Variants in TXNRD3 observed in about 807,000 individuals in gnomAD.
TXNRD3 encodes thioredoxin reductase 3, also known as TXNRD3 neighbor gene protein.
TXNRD3 carries 68 observed loss-of-function variants against 78.2 expected under a neutral mutation model. The observed-to-expected ratio is 0.87, with a 90% CI of 0.72 to 1.06. The LOEUF (loss-of-function observed/expected upper bound fraction) is 1.06. Among genes scored for constraint, TXNRD3 ranks in the 50% least tolerant of loss-of-function variants. TXNRD3 has a pLI of 0.00. For synonymous variants in TXNRD3, 296 were observed against 300.1 expected (o/e 0.99, Z 0.14); for missense variants, 751 against 809.5 (o/e 0.93, Z 0.88).
intron 9 of TXNRD3, 82 bp from the exon 10 acceptor site, chr3:126,629,553 G>T: frequency 9.6e-7 from 1 of 1,041,432 alleles, no homozygotes; most frequent in Non-Finnish European, 1.4e-6. Context: ...CGGTATGTTC[G>T]TGTACATTTG....
chr3:126,640,609 T>C (rs1041299130), intron 6 of TXNRD3, among the ~76,000 whole-genome samples: 2 of 152,178 alleles, frequency 1.3e-5, no homozygotes, highest in African/African-American at 4.8e-5. Flanking sequence ...TCAAAATCTC[T>C]GCACAAAGAG....
chr3:126,651,241 G>T (rs1241441325), intron 1 of TXNRD3, among the ~76,000 whole-genome samples: 2 of 152,196 alleles, frequency 1.3e-5, no homozygotes, highest in African/African-American at 2.4e-5. Context: ...ACTCAGTCAA[G>T]CAAGAAAAAC....
Position 126,637,932 on chromosome 3 carries a change from C to CTCTTTTTTTTTTTTTT in TXNRD3, c.713-3882_713-3881insAAAAAAAAAAAAAAGA, listed in dbSNP as rs1444254294. 3.7e-4 allele frequency among the ~76,000 whole-genome samples: 22 copies of CTCTTTTTTTTTTTTTT among 60,234 alleles called. 1 individual carries two copies. The highest frequency in any genetic ancestry group is 6.9e-4 in the East Asian group (1 of 1,448). 39.5% of individuals were successfully genotyped at this position (60,234 alleles called of 152,430 possible). A position where few individuals can be genotyped will look rare whatever the true frequency, so the allele number is the denominator to read the frequency against. ...CTTATTTTAACCTATATTTCTCTCT[C>CTCTTTTTTTTTTTTTT]TTTTTTTTTTTTTTTTTTTTTTTTT... On this transcript the variant is annotated intron_variant, in intron 6 of 15. Transcript: ENST00000524230.
rs1938479557 is a variant in TXNRD3, at chr3:126,622,440, G to C, written c.1367+24C>G. On this transcript the variant is annotated intron_variant, in intron 11 of 15. Coordinates refer to ENST00000524230, the MANE Select transcript of TXNRD3 (RefSeq NM_052883.3). Reference sequence around the variant, plus strand: ...AAACCTGTTGCTTTGTGCAGCAACAGTGCAGTGATCCCAATATACTTACTT... The same window carrying C: ...AAACCTGTTGCTTTGTGCAGCAACACTGCAGTGATCCCAATATACTTACTT... 2.7e-6 allele frequency: 4 copies of C among 1,501,856 alleles called. No individual in the cohort carries two copies. The South Asian group carries it at 3.7e-5, about 14-fold the overall frequency. 93.0% of individuals were successfully genotyped at this position (1,501,856 alleles called of 1,614,324 possible). A position where few individuals can be genotyped will look rare whatever the true frequency, so the allele number is the denominator to read the frequency against.
chr3:126,637,027 C>T (rs1932917121), intron 6 of TXNRD3, among the ~76,000 whole-genome samples: 1 of 151,930 alleles, frequency 6.6e-6, no homozygotes, highest in Middle Eastern at 3.4e-3. Flanking sequence ...AAAGATTGGA[C>T]ACCCCTGGTT....
intron 13 of TXNRD3, among the ~76,000 whole-genome samples, chr3:126,614,532 A>G (rs1342110017): frequency 1.3e-5 from 2 of 152,234 alleles, no homozygotes; most frequent in Non-Finnish European, 2.9e-5. Flanking sequence ...ATTATTATAT[A>G]AACAGTTAGT....
At chr3:126,650,507 G>A (rs1933363082) in intron 1 of TXNRD3, among the ~76,000 whole-genome samples, 1 of 152,018 alleles carries the variant, frequency 6.6e-6, no homozygotes, top group African/African-American at 2.4e-5. Context: ...GAGGTGTGGT[G>A]GCATGCACCT....
chr3:126,649,304 C>T (rs1402975295), intron 1 of TXNRD3, among the ~76,000 whole-genome samples: 4 of 152,134 alleles, frequency 2.6e-5, no homozygotes, highest in African/African-American at 9.7e-5. Context: ...TACTTCACAT[C>T]CATTAGGATA....
At chr3:126,609,676 G>C (rs574383504) in intron 14 of TXNRD3, among the ~76,000 whole-genome samples, 1 of 152,340 alleles carries the variant, frequency 6.6e-6, no homozygotes, top group East Asian at 1.9e-4. Flanking sequence ...GCAAGGACAA[G>C]AGTGTGGCCT....
chr3:126,629,309 C>T, intron 10 of TXNRD3, 70 bp downstream of exon 10: 2 of 1,081,652 alleles, frequency 1.8e-6, no homozygotes, highest in Non-Finnish European at 2.6e-6. Flanking sequence ...GTATAATTTT[C>T]CCATAAGTTT....
At chr3:126,618,716 G>T (rs890303586) in intron 12 of TXNRD3, among the ~76,000 whole-genome samples, 1 of 151,574 alleles carries the variant, frequency 6.6e-6, no homozygotes, top group Non-Finnish European at 1.5e-5. Flanking sequence ...CAAATGAGAC[G>T]GTATCAAACT....
rs1938482033 is a variant in TXNRD3 at position 126,622,559 on chromosome 3, C to A, written c.1291-19G>T. 8 of 1,516,940 alleles carry A rather than the reference C, an allele frequency of 5.3e-6. No individual in the cohort carries two copies. Among genetic ancestry groups the A allele is most frequent in the South Asian group, 1.2e-5 (1 of 82,352 alleles). The allele number at this position is 1,516,940 out of a possible 1,614,324, so 94.0% of individuals were successfully genotyped here. On this transcript the variant is annotated intron_variant, in intron 10 of 15. Transcript: ENST00000524230. ...ACAAAACCTGCATTTGCAGAGAAATCAAAAACACAAATTATCCATATCGGG... is the reference window on the plus strand; with the variant it reads ...ACAAAACCTGCATTTGCAGAGAAATAAAAAACACAAATTATCCATATCGGG...
intron 6 of TXNRD3, among the ~76,000 whole-genome samples, chr3:126,639,758 T>G (rs1933015116): frequency 6.6e-6 from 1 of 151,762 alleles, no homozygotes; most frequent in Non-Finnish European, 1.5e-5. Context: ...TTTTGTAGAG[T>G]AATTTTTCTA....
At chr3:126,635,624 T>C (rs866605831) in intron 6 of TXNRD3, among the ~76,000 whole-genome samples, 6 of 152,158 alleles carry the variant, frequency 3.9e-5, no homozygotes, top group African/African-American at 7.2e-5. Context: ...AAAAGTCTCA[T>C]GGAGATCTTA....
At chr3:126,654,073 G>A (rs572704580) in intron 1 of TXNRD3, among the ~76,000 whole-genome samples, 5 of 151,492 alleles carry the variant, frequency 3.3e-5, no homozygotes, top group African/African-American at 1.2e-4. Flanking sequence ...CTGAGGGAGG[G>A]AGGAGACAGC....
chr3:126,650,187 T>A (rs916045764), intron 1 of TXNRD3, among the ~76,000 whole-genome samples: 1 of 152,248 alleles, frequency 6.6e-6, no homozygotes, highest in African/African-American at 2.4e-5. Flanking sequence ...TTATCTTACA[T>A]CTGTCCTTTA....
intron 10 of TXNRD3, among the ~76,000 whole-genome samples, chr3:126,624,461 C>T (rs1051319904): frequency 3.3e-5 from 5 of 151,436 alleles, no homozygotes; most frequent in African/African-American, 1.2e-4. Context: ...TGCTCTGGCA[C>T]CCAGGCTGGA....
At chr3:126,629,284 A>G (rs1938654453) in intron 10 of TXNRD3, 95 bp downstream of exon 10, 1 of 946,150 alleles carries the variant, frequency 1.1e-6, no homozygotes, top group African/African-American at 1.7e-5. Context: ...AAAAAGTAAA[A>G]AAATGTTAAT....
intron 10 of TXNRD3, 129 bp downstream of exon 10, chr3:126,629,250 T>G: frequency 1.5e-6 from 1 of 684,224 alleles, no homozygotes; most frequent in Non-Finnish European, 2.4e-6. Context: ...TTATCTTCTA[T>G]GATAATGCTC....
Sources: allele counts gnomAD v4.1 joint callset (sites outside exome capture counted in the v4.1 genomes callset), GRCh38; gene constraint gnomAD v4.1.1; transcripts MANE v1.5; gene names NCBI Gene and HGNC (gene_info 2026-07-23, HGNC 2026-07-21).